The following ACSM2B variants were observed in gnomAD, a reference collection of about 807,000 sequenced individuals.
ACSM2B encodes acyl-coenzyme A synthetase ACSM2B, mitochondrial.
A neutral mutation model predicts 78.6 loss-of-function variants in ACSM2B; 58 were observed. The ratio of observed to expected loss-of-function variants is 0.74; its 90% confidence interval spans 0.60 to 0.92. The LOEUF is 0.92. Ranked by LOEUF, ACSM2B falls within the 40% of genes least tolerant of loss-of-function variation. The pLI, the probability that ACSM2B is intolerant of heterozygous loss-of-function variation, is 0.00. For synonymous variants in ACSM2B, 257 were observed against 256.8 expected (o/e 1.00, Z -0.01); for missense variants, 688 against 711.2 (o/e 0.97, Z 0.37).
At position 20,553,903 on chromosome 16, in the gene ACSM2B, T is replaced by C. The variant is rs1445544308; in HGVS notation, c.614A>G (p.His205Arg). The change falls in exon 5 of 14, where the codon CAT becomes CGT. Residue 205 changes from histidine (H) to arginine (R), a missense_variant. His to Arg is a conservative substitution (Grantham distance 29). Transcript: ENST00000329697. The part of the protein sequence containing the change: ...KKLLNEASTT[H>R]HCVETGSQEA... The stretch of plus-strand genomic sequence containing the variant: ...CTGGCTTCCAGTCTCCACACAGTGA[T>C]GAGTGGTGGATGCCTCACTGACAAA... The C allele has an allele frequency of 6.2e-7, 1 of 1,613,772 alleles. No homozygotes were observed. The highest frequency in any genetic ancestry group is 1.7e-5 in the Admixed American group (1 of 59,994).
rs1484402706 is a variant in ACSM2B, at chr16:20,555,262, T to A, written c.596+7A>T. On this transcript the variant is annotated splice_region_variant and intron_variant, in intron 4 of 13. Transcript: ENST00000329697. ...TAAAACCCAGGATGAGACATGTAGA[T>A]ACTCACTTTAGTAGTTTCTTGAAGT... 1 of 1,613,836 alleles carries A rather than the reference T, an allele frequency of 6.2e-7. No homozygotes were observed. Among genetic ancestry groups the A allele is most frequent in the African/African-American group, 1.3e-5 (1 of 74,928 alleles).
chr16:20,567,605 A>C (rs1046087664), intron 1 of ACSM2B, among the ~76,000 whole-genome samples: 4 of 135,802 alleles, frequency 2.9e-5, no homozygotes, highest in Non-Finnish European at 4.7e-5. Context: ...AAGATATATA[A>C]TATATAATAT....
At position 20,543,191 on chromosome 16, in the gene ACSM2B, A is replaced by G. The variant is rs184205149; in HGVS notation, c.1353T>C (p.Asp451=). 5.6e-5 allele frequency: 91 copies of G among 1,613,822 alleles called. No individual in the cohort carries two copies. The Admixed American group carries it at 1.5e-3, about 27-fold the overall frequency. Residue 451 remains aspartate (D), a synonymous_variant, in exon 11 of 14, where the codon GAT becomes GAC. Coordinates refer to ENST00000329697, the MANE Select transcript of ACSM2B (RefSeq NM_001105069.2). ...CCATAAACTGGAAATACCCATCTTC[A>G]TCTTTGATTCCCCGGTCTCCAAGGA... ...FWLLGDRGIK[D]EDGYFQFMGR...
rs1281702690 is a variant in ACSM2B, at chr16:20,552,126, A to T, written c.894+18T>A. Reference sequence around the variant, plus strand: ...GGGCTCACTCTGAATAACTGCTGCAAACTGGATCCTCTCTTACCTTTAGAA... The same window carrying T: ...GGGCTCACTCTGAATAACTGCTGCATACTGGATCCTCTCTTACCTTTAGAA... On this transcript the variant is annotated intron_variant, in intron 6 of 13. Coordinates refer to ENST00000329697, the MANE Select transcript of ACSM2B (RefSeq NM_001105069.2). 1.3e-6 allele frequency: 2 copies of T among 1,582,390 alleles called. No homozygotes were observed. Among genetic ancestry groups the T allele is most frequent in the Non-Finnish European group, 1.7e-6 (2 of 1,167,562 alleles).
At chr16:20,570,956 C>CTTTGT (rs1171516306) in intron 1 of ACSM2B, among the ~76,000 whole-genome samples, 3 of 151,276 alleles carry the variant, frequency 2.0e-5, no homozygotes, top group Non-Finnish European at 4.4e-5. Flanking sequence ...TTTGGATTTT[C>CTTTGT]TCTCTTCTTT....
rs1432534153 is a variant in ACSM2B at position 20,552,262 on chromosome 16, G to A, written c.776C>T (p.Thr259Ile). 5.6e-6 allele frequency: 9 copies of A among 1,613,550 alleles called. No homozygotes were observed. Among genetic ancestry groups the A allele is most frequent in the Middle Eastern group, 1.6e-4 (1 of 6,080 alleles). ...TGLQASDIMWTISDTGWILNI... is the reference protein window; with the variant it reads ...TGLQASDIMWIISDTGWILNI... ...CAGTATCCAACCTGTGTCTGATATG[G>A]TCCACATTATATCAGAGGCTTGCAG... Residue 259 changes from threonine to isoleucine, a missense_variant, in exon 6 of 14, where the codon ACC becomes ATC. Thr to Ile is a moderately conservative substitution (Grantham distance 89). Coordinates refer to ENST00000329697, the MANE Select transcript of ACSM2B (RefSeq NM_001105069.2).
intron 1 of ACSM2B, among the ~76,000 whole-genome samples, chr16:20,565,927 C>G (rs1323522945): frequency 6.6e-6 from 1 of 151,658 alleles, no homozygotes; most frequent in Non-Finnish European, 1.5e-5. Context: ...GTTTGGTTTT[C>G]CATTCCTGAA....
In ACSM2B at chr16:20,542,758, G is replaced by C. The variant is rs552352324; in HGVS notation, c.1509+156C>G. 3.2e-6 allele frequency: 3 copies of C among 950,958 alleles called. No homozygotes were observed. In the East Asian group the frequency reaches 8.0e-5, roughly 25 times the overall value. The allele number at this position is 950,958 out of a possible 1,614,324, so 58.9% of individuals were successfully genotyped here. A position where few individuals can be genotyped will look rare whatever the true frequency, so the allele number is the denominator to read the frequency against. ...GATGAAGAAACTGAGAAACAGAGAGGCCAAGTAGCTTACCCAAGGTCACAT... is the reference window on the plus strand; with the variant it reads ...GATGAAGAAACTGAGAAACAGAGAGCCCAAGTAGCTTACCCAAGGTCACAT... On this transcript the variant is annotated intron_variant, in intron 12 of 13. Transcript: ENST00000329697.
chr16:20,570,518 T>C (rs934946664), intron 1 of ACSM2B, among the ~76,000 whole-genome samples: 4 of 151,926 alleles, frequency 2.6e-5, no homozygotes, highest in Non-Finnish European at 4.4e-5. Context: ...TGGTCTGCAG[T>C]TTTCTTTTTT....
chr16:20,557,260 T>C (rs753509192), intron 3 of ACSM2B, among the ~76,000 whole-genome samples: 2 of 152,218 alleles, frequency 1.3e-5, no homozygotes, highest in African/African-American at 4.8e-5. Context: ...CATGCCCAAA[T>C]TGAACTTGTC....
At chr16:20,567,115 G>A (rs2015921249) in intron 1 of ACSM2B, among the ~76,000 whole-genome samples, 1 of 133,610 alleles carries the variant, frequency 7.5e-6, no homozygotes, top group Admixed American at 8.8e-5. Context: ...ATATATAATA[G>A]TATAGTATAT....
intron 5 of ACSM2B, among the ~76,000 whole-genome samples, chr16:20,552,776 C>G (rs1366663915): frequency 2.0e-5 from 3 of 152,192 alleles, no homozygotes; most frequent in Admixed American, 2.0e-4. Flanking sequence ...CATCCCTTTT[C>G]TCTTTTCAGG....
At chr16:20,540,445 T>G (rs1218978522) in intron 13 of ACSM2B, among the ~76,000 whole-genome samples, 2 of 152,030 alleles carry the variant, frequency 1.3e-5, no homozygotes, top group South Asian at 2.1e-4. Context: ...GTTTCACCAT[T>G]TTGGCCAGGC....
intron 3 of ACSM2B, among the ~76,000 whole-genome samples, chr16:20,558,433 C>T (rs1202548095): frequency 1.3e-5 from 2 of 150,946 alleles, no homozygotes; most frequent in African/African-American, 4.8e-5. Flanking sequence ...CATCCTTCAA[C>T]TTGGCTGTCT....
chr16:20,568,432 A>G (rs2015998777), intron 1 of ACSM2B, among the ~76,000 whole-genome samples: 2 of 147,558 alleles, frequency 1.4e-5, no homozygotes, highest in African/African-American at 4.9e-5. Context: ...AAATATATAA[A>G]TATTTTATAA....
intron 5 of ACSM2B, among the ~76,000 whole-genome samples, chr16:20,553,127 A>T (rs1265045886): frequency 2.0e-5 from 3 of 152,204 alleles, no homozygotes; most frequent in Non-Finnish European, 4.4e-5. Context: ...CTATGGGCTC[A>T]TAGATGGAAC....
At chr16:20,538,419 A>G (rs1434971210) in intron 13 of ACSM2B, among the ~76,000 whole-genome samples, 2 of 152,232 alleles carry the variant, frequency 1.3e-5, no homozygotes, top group African/African-American at 2.4e-5. Context: ...AGTAGTTGCA[A>G]CATAGACCAC....
chr16:20,547,962 A>G, intron 8 of ACSM2B, 100 bp downstream of exon 8: 3 of 1,566,210 alleles, frequency 1.9e-6, no homozygotes, highest in Non-Finnish European at 2.6e-6. Flanking sequence ...TATTTCTCAA[A>G]TAAATGAATG....
At position 20,566,750 on chromosome 16, in the gene ACSM2B, C is replaced by CAGTATATAG. The variant is rs2015897679; in HGVS notation, c.-8-1898_-8-1897insCTATATACT. Among the ~76,000 whole-genome samples the CAGTATATAG allele has an allele frequency of 9.4e-5, 4 of 42,442 alleles. 2 individuals are homozygous for CAGTATATAG. Among genetic ancestry groups the CAGTATATAG allele is most frequent in the African/African-American group, 9.4e-4 (4 of 4,264 alleles). 27.8% of individuals were successfully genotyped at this position (42,442 alleles called of 152,430 possible). A position where few individuals can be genotyped will look rare whatever the true frequency, so the allele number is the denominator to read the frequency against. The stretch of plus-strand genomic sequence containing the variant: ...CTATATATAGTATATACTATATATA[C>CAGTATATAG]TATATATAGTATATATAGATATATA... On this transcript the variant is annotated intron_variant, in intron 1 of 13. Transcript: ENST00000329697.
Sources: gnomAD v4.1 joint callset for allele counts (sites outside exome capture counted in the v4.1 genomes callset) on GRCh38, gnomAD v4.1.1 for gene constraint, MANE v1.5 for transcripts, NCBI Gene and HGNC (gene_info 2026-07-23, HGNC 2026-07-21) for gene names.